Variants in TTC28 observed in about 807,000 individuals in gnomAD.
TTC28 encodes tetratricopeptide repeat domain 28.
TTC28 carries 61 observed loss-of-function variants against 198.0 expected under a neutral mutation model. That is an observed-to-expected ratio of 0.31 (90% confidence interval 0.25 to 0.38). The LOEUF (loss-of-function observed/expected upper bound fraction) is 0.38. Among genes scored for constraint, TTC28 ranks in the 10% least tolerant of loss-of-function variants. TTC28 has a pLI of 1.00. For synonymous variants in TTC28, 1,171 were observed against 1,297.8 expected, an observed-to-expected ratio of 0.90 and a Z score of 2.10; for missense variants, 2,678 against 3,164.0, an observed-to-expected ratio of 0.85 and a Z score of 3.69.
At chr22:28,169,225 G>A (rs1343712535) in intron 5 of TTC28, among the ~76,000 whole-genome samples, 1 of 152,128 alleles carries the variant, frequency 6.6e-6, no homozygotes, top group Non-Finnish European at 1.5e-5. Context: ...ACTGTTGGTG[G>A]GACTGTAAAC....
intron 2 of TTC28, among the ~76,000 whole-genome samples, chr22:28,343,684 T>C (rs986706300): frequency 2.1e-4 from 32 of 152,220 alleles, no homozygotes; most frequent in African/African-American, 7.7e-4. Flanking sequence ...ATTTGTAACA[T>C]GTGAAAACAT....
intron 12 of TTC28, among the ~76,000 whole-genome samples, chr22:28,083,017 C>A (rs1385736743): frequency 6.6e-6 from 1 of 150,850 alleles, no homozygotes; most frequent in African/African-American, 2.4e-5. Flanking sequence ...TTCTATAAAT[C>A]TGCAAGATTA....
chr22:28,095,722 C>G (rs553492765), intron 11 of TTC28, among the ~76,000 whole-genome samples: 3 of 152,164 alleles, frequency 2.0e-5, no homozygotes, highest in African/African-American at 7.2e-5. Context: ...AAAATGGGTT[C>G]TGTTAAACTC....
intron 2 of TTC28, among the ~76,000 whole-genome samples, chr22:28,511,944 T>A (rs1378087988): frequency 6.6e-6 from 1 of 150,844 alleles, no homozygotes; most frequent in Non-Finnish European, 1.5e-5. Flanking sequence ...CAATTCCAAG[T>A]TTAATTAATT....
intron 2 of TTC28, among the ~76,000 whole-genome samples, chr22:28,523,417 G>T (rs187315150): frequency 1.3e-5 from 2 of 152,266 alleles, no homozygotes; most frequent in Admixed American, 6.5e-5. Context: ...ACAAATGGGG[G>T]TAGGGCTGGA....
At chr22:28,164,422 G>A (rs1601411701) in intron 5 of TTC28, among the ~76,000 whole-genome samples, 1 of 152,170 alleles carries the variant, frequency 6.6e-6, no homozygotes, top group Admixed American at 6.5e-5. Context: ...ACCTCACATG[G>A]CAGGGTACTC....
rs536491913 is a variant in TTC28 at position 28,529,292 on chromosome 22, C to T, written c.381+100260G>A. ...CATGACTCAGATGGTCCCACGCCCA[C>T]GGAGCCTCGCTCACTGCTAGCACAG... On this transcript the variant is annotated intron_variant, in intron 2 of 22. Transcript: ENST00000397906. Among the ~76,000 whole-genome samples the T allele has an allele frequency of 3.9e-5, 6 of 152,324 alleles. No individual in the cohort carries two copies. The East Asian group carries it at 7.7e-4, about 20-fold the overall frequency.
At chr22:28,273,381 A>T (rs759299751) in intron 5 of TTC28, among the ~76,000 whole-genome samples, 2 of 152,186 alleles carry the variant, frequency 1.3e-5, no homozygotes, top group Non-Finnish European at 2.9e-5. Flanking sequence ...TCAAGGAAAA[A>T]TGATAAGCTA....
chr22:28,224,711 CA>C (rs1928154964), intron 5 of TTC28, among the ~76,000 whole-genome samples: 1 of 152,090 alleles, frequency 6.6e-6, no homozygotes, highest in Non-Finnish European at 1.5e-5. Flanking sequence ...TGATGAGAAG[CA>C]AATATAAGAA....
intron 2 of TTC28, among the ~76,000 whole-genome samples, chr22:28,597,463 T>C (rs1367834147): frequency 6.6e-6 from 1 of 152,214 alleles, no homozygotes; most frequent in Non-Finnish European, 1.5e-5. Context: ...CACGTAAGCA[T>C]CTGAATTGCT....
chr22:28,202,684 G>A lies in TTC28; in HGVS notation c.934-39085C>T, dbSNP rs553570946. Among the ~76,000 whole-genome samples the A allele has an allele frequency of 7.2e-5, 11 of 152,236 alleles. No individual in the cohort carries two copies. In the East Asian group the frequency reaches 2.1e-3, roughly 29 times the overall value. On this transcript the variant is annotated intron_variant, in intron 5 of 22. Coordinates refer to ENST00000397906, the MANE Select transcript of TTC28 (RefSeq NM_001145418.2). ...CAGAATTTTACAGCTGGCCTAGAGA[G>A]ACCTTAGAGGTGCACGCACTGTCTA... is the stretch of plus-strand genomic sequence containing the variant.
chr22:28,575,782 C>T (rs577985172), intron 2 of TTC28, among the ~76,000 whole-genome samples: 1 of 152,108 alleles, frequency 6.6e-6, no homozygotes, highest in South Asian at 2.1e-4. Context: ...AATGAGATTA[C>T]TTTTTTTATT....
chr22:28,436,001 C>G (rs961252706), intron 2 of TTC28, among the ~76,000 whole-genome samples: 3 of 152,124 alleles, frequency 2.0e-5, no homozygotes, highest in Admixed American at 2.0e-4. Context: ...TAGAATTAAC[C>G]ATTTAAAATA....
intron 4 of TTC28, 140 bp from the exon 5 acceptor site, chr22:28,296,468 G>A: frequency 1.2e-6 from 1 of 826,150 alleles, no homozygotes; most frequent in Non-Finnish European, 1.7e-6. Flanking sequence ...AAAAGTATTT[G>A]TTTCTTCCAC....
intron 2 of TTC28, among the ~76,000 whole-genome samples, chr22:28,567,248 G>C (rs1293835111): frequency 5.5e-5 from 8 of 146,496 alleles, no homozygotes; most frequent in African/African-American, 1.7e-4. Flanking sequence ...AAGTAGCCAG[G>C]CATGGTAACA....
intron 13 of TTC28, among the ~76,000 whole-genome samples, chr22:28,030,004 C>T (rs1462522807): frequency 6.6e-6 from 1 of 152,228 alleles, no homozygotes; most frequent in African/African-American, 2.4e-5. Flanking sequence ...TGAGGATTGT[C>T]ACATCAAGCC....
In TTC28 at chr22:28,163,162, A is replaced by G. The variant is rs963059203; in HGVS notation, c.1371T>C (p.His457=). Residue 457 remains histidine (H), a synonymous_variant, in exon 6 of 23, where the codon CAT becomes CAC. Coordinates refer to ENST00000397906, the MANE Select transcript of TTC28 (RefSeq NM_001145418.2). The part of the protein sequence containing the change: ...MQDLERAKQY[H]EQQLGIAEDL... Reference sequence around the variant, plus strand: ...CCTCAGCAATGCCCAGCTGCTGCTCATGGTATTGTTTAGCTCTCTCCAAAT... The same window carrying G: ...CCTCAGCAATGCCCAGCTGCTGCTCGTGGTATTGTTTAGCTCTCTCCAAAT... 1.9e-6 allele frequency: 3 copies of G among 1,551,636 alleles called. No individual in the cohort carries two copies. Among genetic ancestry groups the G allele is most frequent in the African/African-American group, 1.4e-5 (1 of 73,100 alleles).
chr22:28,486,562 C>T (rs1313611273), intron 2 of TTC28, among the ~76,000 whole-genome samples: 1 of 152,098 alleles, frequency 6.6e-6, no homozygotes, highest in East Asian at 1.9e-4. Flanking sequence ...TTTTTCAATA[C>T]CTTCCTTGGT....
intron 18 of TTC28, 23 bp from the exon 19 acceptor site, chr22:27,992,686 A>G: frequency 6.5e-7 from 1 of 1,550,088 alleles, no homozygotes; most frequent in Non-Finnish European, 8.7e-7. Flanking sequence ...AAAAGGGTAG[A>G]AGTTATTCAG....
Sources: gnomAD v4.1 joint callset for allele counts (sites outside exome capture counted in the v4.1 genomes callset) on GRCh38, gnomAD v4.1.1 for gene constraint, MANE v1.5 for transcripts, NCBI Gene and HGNC (gene_info 2026-07-23, HGNC 2026-07-21) for gene names.